PRIM2: variants seen among roughly 807,000 people sequenced by gnomAD.
PRIM2 encodes DNA primase subunit 2.
PRIM2 carries 39 observed loss-of-function variants against 67.3 expected under a neutral mutation model. The ratio of observed to expected loss-of-function variants is 0.58; its 90% CI spans 0.45 to 0.76. PRIM2 has a LOEUF of 0.76. Among genes scored for constraint, PRIM2 ranks in the 30% least tolerant of loss-of-function variants. The probability of loss-of-function intolerance (pLI) is 0.00; values close to 1 mark genes in which losing one functional copy is unlikely to be tolerated. For synonymous variants in PRIM2, 143 were observed against 198.7 expected (o/e 0.72, Z 2.36); for missense variants, 398 against 598.7 (o/e 0.66, Z 3.50).
chr6:57,327,011 C>A (rs1433307011), intron 5 of PRIM2, among the ~76,000 whole-genome samples: 2 of 148,844 alleles, frequency 1.3e-5, no homozygotes, highest in Non-Finnish European at 3.0e-5. Context: ...TCAAGCGATT[C>A]TCCTGCCTCA....
At chr6:57,567,348 A>G (rs1434988079) in intron 10 of PRIM2, among the ~76,000 whole-genome samples, 1 of 152,160 alleles carries the variant, frequency 6.6e-6, no homozygotes, top group Non-Finnish European at 1.5e-5. Context: ...AATACATTAC[A>G]TGAGATATTT....
chr6:57,448,164 A>T (rs1562757177), intron 7 of PRIM2, among the ~76,000 whole-genome samples: 1 of 152,236 alleles, frequency 6.6e-6, no homozygotes, highest in South Asian at 2.1e-4. Flanking sequence ...AACATTTTCC[A>T]GAGAAATGTT....
At chr6:57,437,444 G>T (rs1284113923) in intron 7 of PRIM2, among the ~76,000 whole-genome samples, 2 of 152,102 alleles carry the variant, frequency 1.3e-5, no homozygotes, top group Admixed American at 1.3e-4. Context: ...CACCTGGTGG[G>T]CTCTCTATGT....
chr6:57,321,492 T>A (rs745453239), intron 3 of PRIM2, among the ~76,000 whole-genome samples: 6 of 151,736 alleles, frequency 4.0e-5, no homozygotes, highest in Non-Finnish European at 8.8e-5. Flanking sequence ...TGAGAAGAGA[T>A]GACAGTGGAA....
At chr6:57,248,003 A>G in the PRIM2 span, among the ~76,000 whole-genome samples, 1 of 152,222 alleles carries the variant, frequency 6.6e-6, no homozygotes, top group Non-Finnish European at 1.5e-5. Flanking sequence ...GAATTTAGCC[A>G]AAAAATAATT....
intron 7 of PRIM2, among the ~76,000 whole-genome samples, chr6:57,472,173 T>G (rs1773349967): frequency 6.6e-6 from 1 of 152,124 alleles, no homozygotes. Context: ...CTCACGTTTG[T>G]AATCCCAGCA....
At chr6:57,525,040 T>C (rs1339818707) in intron 8 of PRIM2, among the ~76,000 whole-genome samples, 1 of 151,954 alleles carries the variant, frequency 6.6e-6, no homozygotes, top group Non-Finnish European at 1.5e-5. Flanking sequence ...CCTGCCTAAT[T>C]TCCTACCGAA....
chr6:57,351,253 G>A (rs1040930517), intron 5 of PRIM2, among the ~76,000 whole-genome samples: 1 of 151,790 alleles, frequency 6.6e-6, no homozygotes, highest in Non-Finnish European at 1.5e-5. Context: ...AATCTGAAAT[G>A]CTCCAGTGAG....
intron 12 of PRIM2, among the ~76,000 whole-genome samples, chr6:57,616,487 A>G (rs1159966854): frequency 1.3e-5 from 2 of 152,190 alleles, no homozygotes; most frequent in South Asian, 2.1e-4. Context: ...TTTCATGGAA[A>G]GCCATCACTG....
At chr6:57,422,158 C>CTTTTTTTTT (rs575958629) in intron 7 of PRIM2, among the ~76,000 whole-genome samples, 11 of 103,316 alleles carry the variant, frequency 1.1e-4, no homozygotes, top group Admixed American at 1.1e-4. Context: ...TCTTTTCTTT[C>CTTTTTTTTT]TTTTTTTTTT....
the PRIM2 span, among the ~76,000 whole-genome samples, chr6:57,230,532 A>G: frequency 1.3e-5 from 2 of 152,194 alleles, no homozygotes; most frequent in African/African-American, 4.8e-5. Context: ...GAGGGTTGAT[A>G]TCAGTTCAGT....
chr6:57,292,722 A>G, the PRIM2 span, among the ~76,000 whole-genome samples: 2 of 152,210 alleles, frequency 1.3e-5, no homozygotes, highest in Non-Finnish European at 2.9e-5. Context: ...AAACCTGACA[A>G]AAACAAGCAA....
At chr6:57,421,293 G>A (rs528506916) in intron 7 of PRIM2, among the ~76,000 whole-genome samples, 1 of 152,158 alleles carries the variant, frequency 6.6e-6, no homozygotes, top group Admixed American at 6.5e-5. Flanking sequence ...GACATATTTA[G>A]AGCCCAAATC....
At chr6:57,470,164 C>T (rs1319498450) in intron 7 of PRIM2, among the ~76,000 whole-genome samples, 2 of 152,088 alleles carry the variant, frequency 1.3e-5, no homozygotes, top group Non-Finnish European at 2.9e-5. Context: ...AGCGTTGTGG[C>T]ATTTTATCAG....
intron 8 of PRIM2, among the ~76,000 whole-genome samples, chr6:57,521,806 T>C (rs1349201946): frequency 1.1e-4 from 17 of 152,178 alleles, no homozygotes; most frequent in Admixed American, 1.1e-3. Flanking sequence ...AAATATGTTT[T>C]ATATGTTATT....
chr6:57,415,444 G>T (rs1315156032), intron 7 of PRIM2, among the ~76,000 whole-genome samples: 1 of 152,074 alleles, frequency 6.6e-6, no homozygotes, highest in South Asian at 2.1e-4. Context: ...AAAAAACAAT[G>T]TACATACCTT....
At chr6:57,555,261 G>A (rs1281358327) in intron 10 of PRIM2, among the ~76,000 whole-genome samples, 1 of 152,058 alleles carries the variant, frequency 6.6e-6, no homozygotes, top group Non-Finnish European at 1.5e-5. Flanking sequence ...CAGTATGTCT[G>A]GCACTTTGTG....
At chr6:57,236,181 C>T in the PRIM2 span, among the ~76,000 whole-genome samples, 3 of 152,120 alleles carry the variant, frequency 2.0e-5, no homozygotes, top group Non-Finnish European at 4.4e-5. Context: ...GTGAGTCCAC[C>T]TAATTCTGAT....
At chr6:57,558,854 A>G (rs1454488307) in intron 10 of PRIM2, among the ~76,000 whole-genome samples, 1 of 152,090 alleles carries the variant, frequency 6.6e-6, no homozygotes, top group Non-Finnish European at 1.5e-5. Flanking sequence ...GGGGCTGGGC[A>G]CGGTGGCTCA....
Sources: gnomAD v4.1 joint callset for allele counts (sites outside exome capture counted in the v4.1 genomes callset) on GRCh38, gnomAD v4.1.1 for gene constraint, MANE v1.5 for transcripts, NCBI Gene and HGNC (gene_info 2026-07-23, HGNC 2026-07-21) for gene names.